The following VWDE variants were observed in gnomAD, a reference collection of about 807,000 sequenced individuals.
VWDE encodes the protein von Willebrand factor D and EGF domain-containing protein.
In VWDE, 207 loss-of-function variants were observed where a neutral mutation model predicts 178.4. That is an observed-to-expected ratio of 1.16 (90% CI 1.04 to 1.30). VWDE has a LOEUF of 1.30. VWDE is among the 50% of genes most tolerant of loss of function. The pLI is 0.00. For missense variants in VWDE, 2,287 were observed against 1,901.3 expected (o/e 1.20, Z -3.77); for synonymous variants, 738 against 651.4 (o/e 1.13, Z -2.02).
rs1462440437 is a variant in VWDE at position 12,354,174 on chromosome 7, C to T, written c.3745+1937G>A. The T allele has an allele frequency of 1.2e-5, 3 of 256,148 alleles. No homozygotes were observed. In the Admixed American group the frequency reaches 1.6e-4, roughly 14 times the overall value. 15.9% of individuals were successfully genotyped at this position (256,148 alleles called of 1,614,324 possible). A position where few individuals can be genotyped will look rare whatever the true frequency, so the allele number is the denominator to read the frequency against. On this transcript the variant is annotated intron_variant, in intron 18 of 28. Coordinates refer to ENST00000275358, the MANE Select transcript of VWDE (RefSeq NM_001135924.3). ...CATATTCCCTGCTGTTACACTCTAC[C>T]TATTAAGTCAGAAAACATGTCTTAT...
At chr7:12,357,215 G>A in intron 17 of VWDE, 50 bp downstream of exon 17, 1 of 1,528,422 alleles carries the variant, frequency 6.5e-7, no homozygotes, top group Non-Finnish European at 8.8e-7. Flanking sequence ...AAATAAAGTT[G>A]TTAAAATTGC....
intron 26 of VWDE, among the ~76,000 whole-genome samples, 167 bp from the exon 27 acceptor site, chr7:12,336,403 T>C (rs1321329313): frequency 6.6e-6 from 1 of 152,242 alleles, no homozygotes; most frequent in Non-Finnish European, 1.5e-5. Context: ...TGTCACTACA[T>C]ATTCTTGGAA....
At chr7:12,391,992 T>C (rs1023043071) in intron 2 of VWDE, among the ~76,000 whole-genome samples, 6 of 152,166 alleles carry the variant, frequency 3.9e-5, no homozygotes, top group Admixed American at 1.3e-4. Flanking sequence ...ACGTTAGTAA[T>C]TTGGGAAGCA....
At chr7:12,376,772 G>A (rs1310886895) in intron 7 of VWDE, among the ~76,000 whole-genome samples, 1 of 152,048 alleles carries the variant, frequency 6.6e-6, no homozygotes, top group Non-Finnish European at 1.5e-5. Context: ...TGAAATCTGA[G>A]CGAGTAGGTA....
chr7:12,341,586 C>T (rs977033977), intron 23 of VWDE, among the ~76,000 whole-genome samples: 9 of 151,646 alleles, frequency 5.9e-5, no homozygotes, highest in Admixed American at 4.6e-4. Flanking sequence ...GAGCCAAGAT[C>T]GCCCCACTGC....
At chr7:12,338,690 T>G (rs1042190633) in intron 24 of VWDE, among the ~76,000 whole-genome samples, 13 of 152,134 alleles carry the variant, frequency 8.5e-5, no homozygotes, top group Non-Finnish European at 1.8e-4. Flanking sequence ...TTATGAGATC[T>G]ATAGGCCTCA....
At chr7:12,371,199 C>T (rs977658760) in intron 10 of VWDE, among the ~76,000 whole-genome samples, 2 of 152,092 alleles carry the variant, frequency 1.3e-5, no homozygotes, top group Non-Finnish European at 2.9e-5. Context: ...AGTAATGTTT[C>T]TGATAATAAT....
At chr7:12,374,342 A>G (rs1342660704) in intron 9 of VWDE, among the ~76,000 whole-genome samples, 1 of 152,068 alleles carries the variant, frequency 6.6e-6, no homozygotes, top group Admixed American at 6.6e-5. Flanking sequence ...CTAAACTTAA[A>G]GATTGTTTTA....
chr7:12,390,990 G>A lies in VWDE; in HGVS notation c.244-1632C>T, dbSNP rs913888220. 3.3e-5 allele frequency among the ~76,000 whole-genome samples: 5 copies of A among 152,186 alleles called. No individual in the cohort carries two copies. The East Asian group carries it at 7.7e-4, about 23-fold the overall frequency. On this transcript the variant is annotated intron_variant, in intron 2 of 28. Transcript: ENST00000275358. ...CAAAATCCTGAATGTCCACACATAT[G>A]GTGATGGTTTAAATAAATATGATAC...
intron 18 of VWDE, among the ~76,000 whole-genome samples, chr7:12,355,619 CAT>C (rs1782199160): frequency 6.6e-6 from 1 of 152,030 alleles, no homozygotes; most frequent in Admixed American, 6.6e-5. Flanking sequence ...GGTTGGCAGT[CAT>C]ATATTTATTT....
chr7:12,359,826 G>C (rs1229681678), intron 15 of VWDE, 134 bp from the exon 16 acceptor site: 3 of 544,966 alleles, frequency 5.5e-6, no homozygotes, highest in East Asian at 2.9e-5. Context: ...CTTCATAATC[G>C]TAAGTGCATA....
chr7:12,380,823 G>A, intron 4 of VWDE, 90 bp from the exon 5 acceptor site: 1 of 1,396,930 alleles, frequency 7.2e-7, no homozygotes, highest in Non-Finnish European at 9.5e-7. Context: ...TAACTCTGTG[G>A]TTTATCTTAA....
At chr7:12,364,053 T>C (rs913316403) in intron 13 of VWDE, among the ~76,000 whole-genome samples, 2 of 151,996 alleles carry the variant, frequency 1.3e-5, no homozygotes, top group Admixed American at 1.3e-4. Flanking sequence ...CAGGTAAATA[T>C]ATTGTGGATC....
At chr7:12,361,286 T>C in intron 14 of VWDE, 35 bp from the exon 15 acceptor site, 5 of 1,532,160 alleles carry the variant, frequency 3.3e-6, no homozygotes, top group Non-Finnish European at 4.4e-6. Context: ...AGATGATTTG[T>C]TCTAAATGTT....
intron 1 of VWDE, among the ~76,000 whole-genome samples, chr7:12,401,482 T>C (rs1784890888): frequency 2.0e-5 from 3 of 152,146 alleles, no homozygotes; most frequent in Admixed American, 2.0e-4. Flanking sequence ...TTTTTTAAAA[T>C]GGCAAGATCT....
intron 1 of VWDE, among the ~76,000 whole-genome samples, chr7:12,400,716 C>T (rs1400275120): frequency 4.6e-5 from 7 of 151,990 alleles, no homozygotes; most frequent in African/African-American, 1.7e-4. Flanking sequence ...GGTATTATAG[C>T]CCATTATCCT....
At chr7:12,352,016 G>T (rs910162148) in intron 18 of VWDE, among the ~76,000 whole-genome samples, 3 of 152,106 alleles carry the variant, frequency 2.0e-5, no homozygotes, top group African/African-American at 7.2e-5. Context: ...GGACTGGTGT[G>T]CTCACGAAAA....
At chr7:12,343,237 T>C (rs555788673) in intron 21 of VWDE, 59 bp from the exon 22 acceptor site, 183 of 1,223,352 alleles carry the variant, frequency 1.5e-4, no homozygotes, top group Non-Finnish European at 2.0e-4. Context: ...TCAGTTTATA[T>C]TTATAAAGCA....
At chr7:12,380,899 T>A (rs1213729247) in intron 4 of VWDE, among the ~76,000 whole-genome samples, 166 bp from the exon 5 acceptor site, 1 of 152,196 alleles carries the variant, frequency 6.6e-6, no homozygotes, top group Non-Finnish European at 1.5e-5. Context: ...ACTTTCATAT[T>A]CTGGCCCATA....
Sources: gnomAD v4.1 joint callset for allele counts (sites outside exome capture counted in the v4.1 genomes callset) on GRCh38, gnomAD v4.1.1 for gene constraint, MANE v1.5 for transcripts, NCBI Gene and HGNC (gene_info 2026-07-23, HGNC 2026-07-21) for gene names.